Variants in FRMD4B observed in about 807,000 individuals in gnomAD.
FRMD4B encodes the protein FERM domain-containing protein 4B.
FRMD4B carries 74 observed loss-of-function variants against 141.5 expected under a neutral mutation model. The observed-to-expected ratio is 0.52, with a 90% CI of 0.43 to 0.63. FRMD4B has a LOEUF of 0.63. FRMD4B is among the 30% of genes least tolerant of loss of function. The pLI is 0.00. For missense variants in FRMD4B, 1,366 were observed against 1,253.4 expected (o/e 1.09, Z -1.36); for synonymous variants, 506 against 467.9 (o/e 1.08, Z -1.05).
intron 1 of FRMD4B, among the ~76,000 whole-genome samples, chr3:69,382,284 C>T (rs1407638622): frequency 6.6e-6 from 1 of 152,244 alleles, no homozygotes; most frequent in Non-Finnish European, 1.5e-5. Flanking sequence ...AAGTGATCCA[C>T]TCGCCTCAGC....
intron 1 of FRMD4B, among the ~76,000 whole-genome samples, chr3:69,449,261 A>G (rs1174822416): frequency 6.6e-6 from 1 of 152,248 alleles, no homozygotes; most frequent in Admixed American, 6.5e-5. Flanking sequence ...ATAGACATCT[A>G]TGACAGAAAT....
intron 1 of FRMD4B, among the ~76,000 whole-genome samples, chr3:69,377,545 T>C (rs975054480): frequency 2.0e-5 from 3 of 152,198 alleles, no homozygotes; most frequent in Non-Finnish European, 2.9e-5. Flanking sequence ...CCCCAGCTGT[T>C]GGGAGTGTTG....
intron 2 of FRMD4B, among the ~76,000 whole-genome samples, chr3:69,409,797 G>C (rs979437674): frequency 6.6e-6 from 1 of 152,092 alleles, no homozygotes; most frequent in Non-Finnish European, 1.5e-5. Flanking sequence ...GCCATTCTTG[G>C]TACTAAAAAG....
chr3:69,484,541 G>A (rs141768180), intron 1 of FRMD4B, among the ~76,000 whole-genome samples: 14 of 152,090 alleles, frequency 9.2e-5, no homozygotes, highest in Non-Finnish European at 1.8e-4. Context: ...GAGGAGACCC[G>A]CAGTGATTAG....
At chr3:69,406,760 T>A (rs1011650411) in intron 2 of FRMD4B, among the ~76,000 whole-genome samples, 10 of 151,998 alleles carry the variant, frequency 6.6e-5, no homozygotes, top group South Asian at 2.1e-4. Flanking sequence ...AGAGACAATG[T>A]CTCTCTCTGT....
chr3:69,499,252 A>G (rs1447616946), intron 1 of FRMD4B, among the ~76,000 whole-genome samples: 1 of 152,160 alleles, frequency 6.6e-6, no homozygotes, highest in East Asian at 1.9e-4. Context: ...GGGCCACAGT[A>G]AAGAGTCTGA....
chr3:69,447,914 T>C (rs752871177), intron 1 of FRMD4B, among the ~76,000 whole-genome samples: 25 of 152,242 alleles, frequency 1.6e-4, no homozygotes, highest in Non-Finnish European at 3.2e-4. Context: ...TAGTATTCTA[T>C]TGTATGGCTA....
intron 1 of FRMD4B, among the ~76,000 whole-genome samples, chr3:69,338,025 C>T (rs1702612054): frequency 6.6e-6 from 1 of 152,166 alleles, no homozygotes; most frequent in Non-Finnish European, 1.5e-5. Flanking sequence ...TATTGCAGCA[C>T]TATTCACTAT....
At chr3:69,357,990 T>A (rs1298093030) in intron 1 of FRMD4B, among the ~76,000 whole-genome samples, 1 of 152,192 alleles carries the variant, frequency 6.6e-6, no homozygotes, top group East Asian at 1.9e-4. Context: ...AACACCATGG[T>A]TCTGACCTTC....
chr3:69,227,395 G>C (rs1297746739), intron 7 of FRMD4B, among the ~76,000 whole-genome samples: 1 of 152,132 alleles, frequency 6.6e-6, no homozygotes, highest in Non-Finnish European at 1.5e-5. Flanking sequence ...CGGGTGCAGT[G>C]GCTTAGCCTA....
At chr3:69,414,942 T>C (rs1185282124) in intron 2 of FRMD4B, among the ~76,000 whole-genome samples, 3 of 141,052 alleles carry the variant, frequency 2.1e-5, no homozygotes, top group Non-Finnish European at 4.5e-5. Flanking sequence ...CTCGGCTCAC[T>C]GCAACCTCCG....
chr3:69,417,872 C>G lies in FRMD4B; in HGVS notation c.-1+14762G>C, dbSNP rs1425193248. On this transcript the variant is annotated intron_variant, in intron 2 of 5. Coordinates refer to the FRMD4B transcript ENST00000459638. ...GGGGTGAATCATTCCTTTCATCTTC[C>G]AGCTCTTAGTGGCTGCCAGTATTGC... Among the ~76,000 whole-genome samples, 3 of 152,094 alleles carry G rather than the reference C, an allele frequency of 2.0e-5. 1 individual carries two copies. The highest frequency in any genetic ancestry group is 7.2e-5 in the African/African-American group (3 of 41,396).
At chr3:69,368,474 T>C (rs1470253760) in intron 1 of FRMD4B, among the ~76,000 whole-genome samples, 3 of 152,242 alleles carry the variant, frequency 2.0e-5, no homozygotes, top group Non-Finnish European at 4.4e-5. Context: ...CCACATCCTC[T>C]GTCTTTTTTC....
chr3:69,345,677 T>C (rs1365572478), intron 1 of FRMD4B, among the ~76,000 whole-genome samples: 3 of 152,146 alleles, frequency 2.0e-5, no homozygotes, highest in Admixed American at 1.3e-4. Context: ...TGTTGAGCAA[T>C]ATTCGCTGTT....
intron 1 of FRMD4B, 107 bp from the exon 2 acceptor site, chr3:69,313,624 G>T (rs1013956449): frequency 1.0e-5 from 7 of 687,384 alleles, no homozygotes; most frequent in Non-Finnish European, 1.5e-5. Context: ...GCCTAAAAAT[G>T]GCTTTAGTTG....
intron 1 of FRMD4B, among the ~76,000 whole-genome samples, chr3:69,349,931 A>C (rs200510125): frequency 0.059 from 9,029 of 152,230 alleles, 655 homozygotes; most frequent in East Asian, 0.36. Flanking sequence ...CTTCATGTCT[A>C]AAACACCAAA....
chr3:69,519,786 AC>A (rs1199920884), intron 1 of FRMD4B, among the ~76,000 whole-genome samples: 2 of 150,632 alleles, frequency 1.3e-5, no homozygotes, highest in African/African-American at 2.4e-5. Flanking sequence ...TTTATCCCTC[AC>A]CCCCTCCCAT....
intron 2 of FRMD4B, among the ~76,000 whole-genome samples, chr3:69,409,377 T>C (rs1704714945): frequency 6.6e-6 from 1 of 152,176 alleles, no homozygotes; most frequent in African/African-American, 2.4e-5. Context: ...CATGGTCCCA[T>C]TTCTCTGTGT....
At chr3:69,233,482 CAA>C (rs747234977) in intron 7 of FRMD4B, among the ~76,000 whole-genome samples, 79 of 75,794 alleles carry the variant, frequency 1.0e-3, no homozygotes, top group Non-Finnish European at 9.5e-4. Flanking sequence ...GACCCTGTCT[CAA>C]AAAAAAAAAA....
Sources: allele counts gnomAD v4.1 joint callset (sites outside exome capture counted in the v4.1 genomes callset), GRCh38; gene constraint gnomAD v4.1.1; transcripts MANE v1.5; gene names NCBI Gene and HGNC (gene_info 2026-07-23, HGNC 2026-07-21).